The following PAM variants were observed in gnomAD, a reference collection of about 807,000 sequenced individuals.
The protein encoded by PAM is peptidyl-glycine alpha-amidating monooxygenase.
Under a neutral mutation model 122.1 loss-of-function variants are expected in PAM, and 72 were observed. The observed-to-expected ratio is 0.59, with a 90% CI of 0.49 to 0.72. The LOEUF (loss-of-function observed/expected upper bound fraction) is 0.72, where lower values mean the gene tolerates loss of function less well. Ranked by LOEUF, PAM falls within the 30% of genes least tolerant of loss-of-function variation. The probability of loss-of-function intolerance (pLI) is 0.00; values close to 1 mark genes in which losing one functional copy is unlikely to be tolerated. For synonymous variants in PAM, 389 were observed against 404.4 expected (o/e 0.96, Z 0.46); for missense variants, 1,106 against 1,183.7 (o/e 0.93, Z 0.96).
intron 7 of PAM, among the ~76,000 whole-genome samples, chr5:102,944,396 C>T (rs756929340): frequency 1.3e-5 from 2 of 151,718 alleles, no homozygotes; most frequent in Non-Finnish European, 1.5e-5. Context: ...GTTAACCTGG[C>T]GCCCAACCCA....
At chr5:102,978,094 C>A (rs1328454825) in intron 15 of PAM, among the ~76,000 whole-genome samples, 5 of 151,978 alleles carry the variant, frequency 3.3e-5, no homozygotes, top group Non-Finnish European at 7.4e-5. Flanking sequence ...AATGAAATAC[C>A]AAAGTATAAA....
rs1394212184 is a variant in PAM at position 102,758,068 on chromosome 5, ATTTTGTTTT to A, written c.-374+2725_-374+2733del. On this transcript the variant is annotated intron_variant, in intron 1 of 25. Coordinates refer to ENST00000438793, the MANE Select transcript of PAM (RefSeq NM_001177306.2). ...AAAAAAAAAAAAAAAAAGACTTAGA[ATTTTGTTTT>A]TTTTTTTTTTTTTTTTTTTTTTTTT... 5.0e-3 allele frequency among the ~76,000 whole-genome samples: 434 copies of A among 87,574 alleles called. 19 individuals carry two copies. Among genetic ancestry groups the A allele is most frequent in the African/African-American group, 0.018 (415 of 23,054 alleles). The allele number at this position is 87,574 out of a possible 152,430, so 57.5% of individuals were successfully genotyped here.
At chr5:102,892,444 G>A (rs964129821) in intron 3 of PAM, among the ~76,000 whole-genome samples, 1 of 151,790 alleles carries the variant, frequency 6.6e-6, no homozygotes. Flanking sequence ...GCAATTTGCA[G>A]CCAAATGCAT....
intron 15 of PAM, 42 bp from the exon 16 acceptor site, chr5:102,990,230 G>A (rs370805216): frequency 4.2e-6 from 6 of 1,438,472 alleles, no homozygotes; most frequent in South Asian, 1.7e-5. Context: ...GAGGCAATTC[G>A]ACCTTTCCCT....
chr5:102,911,661 A>G (rs1801443502), intron 4 of PAM, among the ~76,000 whole-genome samples: 1 of 151,936 alleles, frequency 6.6e-6, no homozygotes, highest in African/African-American at 2.4e-5. Flanking sequence ...TACAGAGATT[A>G]TATGTTGTTG....
chr5:102,946,765 C>G (rs909835247), intron 7 of PAM, 72 bp from the exon 8 acceptor site: 2 of 876,596 alleles, frequency 2.3e-6, no homozygotes, highest in Non-Finnish European at 3.8e-6. Flanking sequence ...ATAATCATTT[C>G]TATCTTACTA....
intron 1 of PAM, among the ~76,000 whole-genome samples, chr5:102,839,536 CAA>C (rs34092506): frequency 4.6e-4 from 37 of 81,166 alleles, no homozygotes; most frequent in Admixed American, 8.2e-4. Flanking sequence ...GGCTCAGTCT[CAA>C]AAAAAAAAAA....
chr5:102,964,030 A>T (rs1763307605), intron 14 of PAM, among the ~76,000 whole-genome samples: 1 of 151,604 alleles, frequency 6.6e-6, no homozygotes, highest in South Asian at 2.1e-4. Flanking sequence ...GATAGAAATA[A>T]TCATATTCCA....
Position 102,974,345 on chromosome 5 carries a change from A to G in PAM, c.1392A>G (p.Leu464=). 2 of 1,613,874 alleles carry G rather than the reference A, an allele frequency of 1.2e-6. No homozygotes were observed. The highest frequency in any genetic ancestry group is 1.3e-5 in the African/African-American group (1 of 75,046). The change falls in exon 15 of 26, where the codon CTA becomes CTG. Residue 464 remains leucine, a synonymous_variant. Transcript: ENST00000438793. ...ACAGAATTCACAAATTCCACAGACTAGTATCTACCTTGAGGCCACCAGAGA... is the reference window on the plus strand; with the variant it reads ...ACAGAATTCACAAATTCCACAGACTGGTATCTACCTTGAGGCCACCAGAGA... ...VRDRIHKFHR[L]VSTLRPPESR... is the part of the protein sequence containing the mutation.
chr5:102,885,158 A>AACTCCT (rs1237617299), intron 3 of PAM, among the ~76,000 whole-genome samples: 2 of 151,332 alleles, frequency 1.3e-5, no homozygotes, highest in African/African-American at 4.9e-5. Context: ...CAAAACAACA[A>AACTCCT]ACTCCTAACA....
rs1400690500 is a variant in PAM, at chr5:102,758,081, T to G, written c.-374+2733T>G. 1.9e-3 allele frequency among the ~76,000 whole-genome samples: 72 copies of G among 37,764 alleles called. 2 individuals are homozygous for G. The highest frequency in any genetic ancestry group is 6.9e-3 in the African/African-American group (66 of 9,594). The allele number at this position is 37,764 out of a possible 152,430, so 24.8% of individuals were successfully genotyped here. On this transcript the variant is annotated intron_variant, in intron 1 of 25. Coordinates refer to ENST00000438793, the MANE Select transcript of PAM (RefSeq NM_001177306.2). ...AAAAGACTTAGAATTTTGTTTTTTT[T>G]TTTTTTTTTTTTTTTTTTTTTTTTT...
At position 102,941,902 on chromosome 5, in the gene PAM, G is replaced by A. The variant is rs780253850; in HGVS notation, c.527-4935G>A. ...CATTAAAACCAGAGTTTCATTCAAC[G>A]TCTCTAATAGAGCCCAGAGTGAACA... is the stretch of plus-strand genomic sequence containing the variant. On this transcript the variant is annotated intron_variant, in intron 7 of 25. Coordinates refer to ENST00000438793, the MANE Select transcript of PAM (RefSeq NM_001177306.2). Among the ~76,000 whole-genome samples the A allele has an allele frequency of 2.4e-4, 35 of 144,152 alleles. 1 individual carries two copies. The highest frequency in any genetic ancestry group is 3.9e-4 in the Non-Finnish European group (26 of 66,878). 94.6% of individuals were successfully genotyped at this position (144,152 alleles called of 152,430 possible).
At chr5:102,861,216 C>A (rs1025295385) in intron 1 of PAM, among the ~76,000 whole-genome samples, 3 of 152,228 alleles carry the variant, frequency 2.0e-5, no homozygotes, top group Admixed American at 6.5e-5. Context: ...AAACTACAAC[C>A]TCATAAGAGA....
Position 102,876,314 on chromosome 5 carries a change from G to T in PAM, c.210+8921G>T, listed in dbSNP as rs77084596. On this transcript the variant is annotated intron_variant, in intron 3 of 25. Transcript: ENST00000438793. ...GATTATTATAATATCCCTCCTAACT[G>T]ACCTACCTTGTACCCGTGTACCCCT... is the stretch of plus-strand genomic sequence containing the variant. Among the ~76,000 whole-genome samples, 849 of 152,022 alleles carry T rather than the reference G, an allele frequency of 5.6e-3. 11 individuals carry two copies. Among genetic ancestry groups the T allele is most frequent in the African/African-American group, 0.019 (803 of 41,454 alleles).
chr5:102,941,982 T>A (rs561081109), intron 7 of PAM, among the ~76,000 whole-genome samples: 2 of 152,010 alleles, frequency 1.3e-5, no homozygotes, highest in African/African-American at 4.8e-5. Flanking sequence ...TTGCCTCTCA[T>A]ACCTATGTCC....
At chr5:102,783,728 A>T (rs1759671216) in intron 1 of PAM, among the ~76,000 whole-genome samples, 1 of 152,186 alleles carries the variant, frequency 6.6e-6, no homozygotes, top group South Asian at 2.1e-4. Flanking sequence ...ATGCAGCAGT[A>T]TGAGGGCCAC....
chr5:102,876,487 C>G (rs1281136198), intron 3 of PAM, among the ~76,000 whole-genome samples: 1 of 152,304 alleles, frequency 6.6e-6, no homozygotes, highest in South Asian at 2.1e-4. Context: ...AGCCCTGCAT[C>G]TTTCCTGGCC....
chr5:102,760,231 A>C (rs1234462896), intron 1 of PAM, among the ~76,000 whole-genome samples: 1 of 152,210 alleles, frequency 6.6e-6, no homozygotes, highest in Non-Finnish European at 1.5e-5. Flanking sequence ...TTCCCCTCTG[A>C]CAATGCAGAT....
At chr5:102,972,940 A>G (rs1316323394) in intron 14 of PAM, among the ~76,000 whole-genome samples, 1 of 152,242 alleles carries the variant, frequency 6.6e-6, no homozygotes, top group Non-Finnish European at 1.5e-5. Context: ...AGAATCTCTT[A>G]GCATCATTTT....
Sources: gnomAD v4.1 joint callset for allele counts (sites outside exome capture counted in the v4.1 genomes callset) on GRCh38, gnomAD v4.1.1 for gene constraint, MANE v1.5 for transcripts, NCBI Gene and HGNC (gene_info 2026-07-23, HGNC 2026-07-21) for gene names.